Variants in HPSE observed in about 807,000 individuals in gnomAD.
The protein encoded by HPSE is endo-glucoronidase.
Under a neutral mutation model 65.1 loss-of-function variants are expected in HPSE, and 48 were observed. The ratio of observed to expected loss-of-function variants is 0.74; its 90% CI spans 0.58 to 0.94. HPSE has a LOEUF of 0.94. HPSE is among the 40% of genes least tolerant of loss of function. HPSE has a pLI of 0.00. For missense variants in HPSE, 644 were observed against 637.5 expected (o/e 1.01, Z -0.11); for synonymous variants, 243 against 260.0 (o/e 0.93, Z 0.63).
At chr4:83,334,029 G>T (rs1286074358) in intron 1 of HPSE, among the ~76,000 whole-genome samples, 1 of 152,160 alleles carries the variant, frequency 6.6e-6, no homozygotes, top group Non-Finnish European at 1.5e-5. Flanking sequence ...GGAAGTACTG[G>T]GGCAAGTGGG....
intron 8 of HPSE, among the ~76,000 whole-genome samples, chr4:83,306,560 C>T (rs1022837780): frequency 7.9e-5 from 12 of 152,198 alleles, no homozygotes; most frequent in African/African-American, 1.9e-4. Context: ...GGACTGAAAC[C>T]GCCTTTGCAA....
At chr4:83,312,493 C>T (rs992303960) in intron 4 of HPSE, among the ~76,000 whole-genome samples, 3 of 151,228 alleles carry the variant, frequency 2.0e-5, no homozygotes, top group African/African-American at 7.3e-5. Flanking sequence ...CTGGCTAACA[C>T]GGTGAAACCC....
Position 83,293,521 on chromosome 4 carries a change from G to A in HPSE, c.*1823C>T, listed in dbSNP as rs1735622033. On this transcript the variant is annotated 3_prime_UTR_variant, in exon 12 of 12. Coordinates refer to ENST00000311412, the MANE Select transcript of HPSE (RefSeq NM_001098540.3). ...GGCCTGTTTGAACGTCTAGTTATGTGGGAATATACATTTCCTTATTGCTTA... is the reference window on the plus strand; with the variant it reads ...GGCCTGTTTGAACGTCTAGTTATGTAGGAATATACATTTCCTTATTGCTTA... 6.6e-6 allele frequency: 1 copy of A among 152,156 alleles called. No individual in the cohort carries two copies. Among genetic ancestry groups the A allele is most frequent in the Non-Finnish European group, 1.5e-5 (1 of 68,034 alleles). 9.4% of individuals were successfully genotyped at this position (152,156 alleles called of 1,614,324 possible).
At chr4:83,332,653 C>T (rs1195965496) in intron 1 of HPSE, among the ~76,000 whole-genome samples, 2 of 152,200 alleles carry the variant, frequency 1.3e-5, no homozygotes, top group Admixed American at 1.3e-4. Context: ...ATAAAGGTAT[C>T]ATCCTCACTA....
intron 1 of HPSE, among the ~76,000 whole-genome samples, chr4:83,333,844 TA>T (rs60480415): frequency 0.98 from 138,793 of 141,364 alleles, 68,142 homozygotes; most frequent in Middle Eastern, 1. Context: ...TTCATCTGCC[TA>T]AAAAAAAAAA....
At chr4:83,302,998 A>T (rs4320127) in intron 9 of HPSE, among the ~76,000 whole-genome samples, 141,369 of 151,850 alleles carry the variant, frequency 0.93, 66,629 homozygotes, top group South Asian at 1. Context: ...AAAAAATCTT[A>T]AAAAAAAATT....
At chr4:83,319,015 T>C (rs1736765712) in intron 3 of HPSE, among the ~76,000 whole-genome samples, 1 of 152,138 alleles carries the variant, frequency 6.6e-6, no homozygotes, top group Non-Finnish European at 1.5e-5. Context: ...GTTTTGCCCT[T>C]TATATGTCTG....
chr4:83,321,977 T>G (rs1213513931), intron 2 of HPSE, among the ~76,000 whole-genome samples: 1 of 136,458 alleles, frequency 7.3e-6, no homozygotes, highest in Non-Finnish European at 1.5e-5. Flanking sequence ...CTCAGTTATA[T>G]CCAGGACGCC....
Position 83,334,728 on chromosome 4 carries a change from C to A in HPSE, c.55G>T (p.Gly19Trp). ...LPPPLMLLLL[G>W]PLGPLSPGAL... ...CCAGGGGAGAGGGGACCCAGCGGCC[C>A]CAGGAGCAGCAGCATCAGCGGCGGC... Residue 19 changes from glycine (G) to tryptophan (W), a missense_variant, in exon 1 of 12, where the codon GGG becomes TGG. Physicochemically the swap from Gly to Trp is radical, Grantham distance 184. Coordinates refer to ENST00000311412, the MANE Select transcript of HPSE (RefSeq NM_001098540.3). 6.4e-7 allele frequency: 1 copy of A among 1,562,434 alleles called. No homozygotes were observed. Among genetic ancestry groups the A allele is most frequent in the Non-Finnish European group, 8.7e-7 (1 of 1,153,300 alleles).
intron 3 of HPSE, among the ~76,000 whole-genome samples, chr4:83,314,680 A>G (rs559996604): frequency 6.6e-6 from 1 of 152,048 alleles, no homozygotes; most frequent in African/African-American, 2.4e-5. Flanking sequence ...AGTCCTTCCA[A>G]TTTTCATGTA....
rs4693611 is a variant in HPSE at position 83,326,567 on chromosome 4, C to T, written c.228-4203G>A. ...ACATACTTCCATCCATCAGGCGCTT[C>T]GCCCTGTGTGTCTGGAACTCAGGAG... On this transcript the variant is annotated intron_variant, in intron 1 of 11. Coordinates refer to ENST00000311412, the MANE Select transcript of HPSE (RefSeq NM_001098540.3). The surrounding 1 kb of genome is among the most constrained non-coding windows in gnomAD (Gnocchi z 4.2). Among the ~76,000 whole-genome samples, 30,328 of 152,114 alleles carry T rather than the reference C, an allele frequency of 0.2. 3,974 individuals carry two copies. Among genetic ancestry groups the T allele is most frequent in the East Asian group, 0.41 (2,120 of 5,168 alleles).
intron 6 of HPSE, 89 bp from the exon 7 acceptor site, chr4:83,309,584 C>G: frequency 1.4e-6 from 1 of 733,740 alleles, no homozygotes; most frequent in Non-Finnish European, 2.4e-6. Flanking sequence ...TCCTTCTTAC[C>G]TCTCCCACTC....
intron 2 of HPSE, among the ~76,000 whole-genome samples, chr4:83,321,160 T>C (rs1259023081): frequency 6.6e-6 from 1 of 152,166 alleles, no homozygotes; most frequent in Non-Finnish European, 1.5e-5. Flanking sequence ...CTTGTGCCAC[T>C]GCACTCCAGC....
Position 83,324,588 on chromosome 4 carries a change from C to T in HPSE, c.228-2224G>A, listed in dbSNP as rs141297802. ...GTGAGATTTTAAAATGTTATCAACCCGAATTCACCCTGACTGAAATACCTG... is the reference window on the plus strand; with the variant it reads ...GTGAGATTTTAAAATGTTATCAACCTGAATTCACCCTGACTGAAATACCTG... On this transcript the variant is annotated intron_variant, in intron 1 of 11. Transcript: ENST00000311412. Among the ~76,000 whole-genome samples the T allele has an allele frequency of 3.3e-3, 501 of 152,206 alleles. 13 individuals are homozygous for T. In the East Asian group the frequency reaches 0.067, roughly 20 times the overall value.
At chr4:83,332,202 G>T (rs1037552658) in intron 1 of HPSE, among the ~76,000 whole-genome samples, 5 of 152,220 alleles carry the variant, frequency 3.3e-5, no homozygotes, top group Admixed American at 3.3e-4. Context: ...TAAACAACAG[G>T]CGTCTTACTC....
At chr4:83,299,356 T>A in intron 11 of HPSE, among the ~76,000 whole-genome samples, 1 of 93,478 alleles carries the variant, frequency 1.1e-5, no homozygotes, top group East Asian at 3.0e-4. Flanking sequence ...AGAGTGAGAC[T>A]CTGTCTCAAA....
chr4:83,297,284 C>G (rs919390485), intron 11 of HPSE, among the ~76,000 whole-genome samples: 1 of 151,488 alleles, frequency 6.6e-6, no homozygotes, highest in Non-Finnish European at 1.5e-5. Flanking sequence ...AATCACCTAT[C>G]GACACATTTC....
At position 83,306,325 on chromosome 4, in the gene HPSE, A is replaced by C. The variant is rs372044715; in HGVS notation, c.1092-8T>G. On this transcript the variant is annotated splice_polypyrimidine_tract_variant and splice_region_variant and intron_variant, in intron 8 of 11. Coordinates refer to ENST00000311412, the MANE Select transcript of HPSE (RefSeq NM_001098540.3). The stretch of plus-strand genomic sequence containing the variant: ...CCCAATTTATCCAGCCACCTGGGAC[A>C]GAGCAAGACCAAGCTTTCTTGAGGT... The C allele has an allele frequency of 8.1e-5, 122 of 1,511,034 alleles. No homozygotes were observed. The highest frequency in any genetic ancestry group is 6.7e-5 in the Admixed American group (4 of 59,320). The allele number at this position is 1,511,034 out of a possible 1,614,324, so 93.6% of individuals were successfully genotyped here. A position where few individuals can be genotyped will look rare whatever the true frequency, so the allele number is the denominator to read the frequency against.
At chr4:83,306,950 C>A (rs1009156134) in intron 8 of HPSE, among the ~76,000 whole-genome samples, 4 of 152,146 alleles carry the variant, frequency 2.6e-5, no homozygotes, top group African/African-American at 9.7e-5. Flanking sequence ...CTGGGTGGAT[C>A]ATTTGAGACC....
Sources: allele counts gnomAD v4.1 joint callset (sites outside exome capture counted in the v4.1 genomes callset), GRCh38; gene constraint gnomAD v4.1.1; non-coding constraint Gnocchi (gnomAD v3.1); transcripts MANE v1.5; gene names NCBI Gene and HGNC (gene_info 2026-07-23, HGNC 2026-07-21).